GABRA4: variants seen among roughly 807,000 people sequenced by gnomAD.
GABRA4 encodes gamma-aminobutyric acid receptor subunit alpha-4.
Under a neutral mutation model 49.7 loss-of-function variants are expected in GABRA4, and 12 were observed. The ratio of observed to expected loss-of-function variants is 0.24; its 90% CI spans 0.15 to 0.39. The LOEUF (loss-of-function observed/expected upper bound fraction) is 0.39. Ranked by LOEUF, GABRA4 falls within the 10% of genes least tolerant of loss-of-function variation. GABRA4 has a pLI of 1.00. For synonymous variants in GABRA4, 288 were observed against 240.2 expected (o/e 1.20, Z -1.84); for missense variants, 506 against 686.0 (o/e 0.74, Z 2.93).
At chr4:46,955,676 G>A (rs755491668) in intron 8 of GABRA4, among the ~76,000 whole-genome samples, 42 of 151,954 alleles carry the variant, frequency 2.8e-4, no homozygotes, top group Non-Finnish European at 4.9e-4. Context: ...ACAGTTGATA[G>A]GTATTTCATA....
chr4:46,977,957 A>G (rs986003241), intron 3 of GABRA4, among the ~76,000 whole-genome samples: 2 of 152,104 alleles, frequency 1.3e-5, no homozygotes, highest in South Asian at 4.1e-4. Flanking sequence ...TTTAGACTAG[A>G]TAGCAAAAAT....
intron 8 of GABRA4, among the ~76,000 whole-genome samples, chr4:46,930,785 A>G (rs1721400762): frequency 6.6e-6 from 1 of 151,970 alleles, no homozygotes; most frequent in South Asian, 2.1e-4. Context: ...AAGTAACAGG[A>G]ACTAAGTCTA....
chr4:46,991,547 C>T (rs1723743127), intron 2 of GABRA4, among the ~76,000 whole-genome samples: 1 of 152,202 alleles, frequency 6.6e-6, no homozygotes, highest in Non-Finnish European at 1.5e-5. Flanking sequence ...CCCAACATGT[C>T]ATCTCCTACA....
At chr4:46,978,314 A>G (rs1723216591) in intron 3 of GABRA4, among the ~76,000 whole-genome samples, 1 of 152,088 alleles carries the variant, frequency 6.6e-6, no homozygotes. Context: ...AAATATAATG[A>G]AAACTATAAA....
At chr4:46,971,265 A>C (rs1476460501) in intron 6 of GABRA4, 30 bp from the exon 7 acceptor site, 1 of 1,604,660 alleles carries the variant, frequency 6.2e-7, no homozygotes. Flanking sequence ...AAAATGTGTT[A>C]TCGGTTCTGC....
chr4:46,934,392 C>T lies in GABRA4; in HGVS notation c.1135-5637G>A, dbSNP rs1253016061. ...AGAAATATCAACAGCATTTTTAGAA[C>T]GTGCTACACGTAGAAATTTTTAACA... On this transcript the variant is annotated intron_variant, in intron 8 of 8. Coordinates refer to ENST00000264318, the MANE Select transcript of GABRA4 (RefSeq NM_000809.4). 3.3e-5 allele frequency among the ~76,000 whole-genome samples: 5 copies of T among 152,072 alleles called. 1 individual carries two copies. Among genetic ancestry groups the T allele is most frequent in the Non-Finnish European group, 7.4e-5 (5 of 68,002 alleles).
chr4:46,955,085 T>C (rs1235011628), intron 8 of GABRA4, among the ~76,000 whole-genome samples: 3 of 152,162 alleles, frequency 2.0e-5, no homozygotes, highest in Non-Finnish European at 4.4e-5. Context: ...CTCTAAATTC[T>C]ATGCTAAATA....
rs1721255206 is a variant in GABRA4 at position 46,927,039 on chromosome 4, T to C, written c.*1186A>G. 6.6e-6 allele frequency: 1 copy of C among 151,946 alleles called. No individual in the cohort carries two copies. The highest frequency in any genetic ancestry group is 6.6e-5 in the Admixed American group (1 of 15,230). 9.4% of individuals were successfully genotyped at this position (151,946 alleles called of 1,614,324 possible). On this transcript the variant is annotated 3_prime_UTR_variant, in exon 9 of 9. Coordinates refer to ENST00000264318, the MANE Select transcript of GABRA4 (RefSeq NM_000809.4). ...TTTCACTAGCTAATATCTAGATCTA[T>C]CTTGGGGAAAGCACCTGAAAAAGCC... is the stretch of plus-strand genomic sequence containing the variant.
chr4:46,958,517 C>T (rs1722443777), intron 8 of GABRA4, among the ~76,000 whole-genome samples: 1 of 151,708 alleles, frequency 6.6e-6, no homozygotes, highest in Non-Finnish European at 1.5e-5. Flanking sequence ...CACCTGCATC[C>T]ATGAGAGAGT....
chr4:46,970,636 C>A (rs942615270), intron 7 of GABRA4, among the ~76,000 whole-genome samples: 1 of 151,476 alleles, frequency 6.6e-6, no homozygotes, highest in Non-Finnish European at 1.5e-5. Flanking sequence ...TGCATTTAAA[C>A]CGTTTGCATT....
At chr4:46,986,625 T>A (rs2109405752) in intron 2 of GABRA4, among the ~76,000 whole-genome samples, 1 of 152,138 alleles carries the variant, frequency 6.6e-6, no homozygotes, top group African/African-American at 2.4e-5. Flanking sequence ...TCCCCTGTAA[T>A]CTTTTTAGAT....
chr4:46,974,940 T>C (rs143040652), intron 5 of GABRA4, among the ~76,000 whole-genome samples: 71 of 152,102 alleles, frequency 4.7e-4, no homozygotes, highest in Non-Finnish European at 7.8e-4. Context: ...CAACTGGCTA[T>C]GTTGTTTGTA....
chr4:46,937,380 T>C (rs1326304204), intron 8 of GABRA4, among the ~76,000 whole-genome samples: 2 of 152,182 alleles, frequency 1.3e-5, no homozygotes, highest in Admixed American at 1.3e-4. Context: ...AAAAGAATAA[T>C]CTAACGTCAA....
rs752524741 is a variant in GABRA4 at position 46,928,488 on chromosome 4, C to T, written c.1402G>A (p.Ala468Thr). Residue 468 changes from alanine to threonine, a missense_variant, in exon 9 of 9, where the codon GCT (alanine) becomes ACT (threonine). Around this residue, in one of 5 missense-constraint regions of GABRA4, gnomAD observed 243 missense variants for 210.8 expected, o/e 1.15. Transcript: ENST00000264318. ...SIRTGYMPRK[A>T]SVGSASTRHV... ...CGAGTAGAAGCAGATCCAACTGAAG[C>T]CTTTCGAGGCATATATCCAGTTCGG... is the stretch of plus-strand genomic sequence containing the variant. 2.5e-6 allele frequency: 4 copies of T among 1,613,590 alleles called. No homozygotes were observed. Among genetic ancestry groups the T allele is most frequent in the Non-Finnish European group, 3.4e-6 (4 of 1,179,674 alleles).
chr4:46,930,822 A>G (rs1275391199), intron 8 of GABRA4, among the ~76,000 whole-genome samples: 1 of 151,646 alleles, frequency 6.6e-6, no homozygotes, highest in East Asian at 1.9e-4. Flanking sequence ...GACCCCCAAA[A>G]CTTAAAACAA....
intron 8 of GABRA4, among the ~76,000 whole-genome samples, chr4:46,943,163 C>T (rs916863219): frequency 4.6e-5 from 7 of 151,986 alleles, no homozygotes; most frequent in Non-Finnish European, 7.4e-5. Flanking sequence ...AATAGAGGTA[C>T]GAATTTATTG....
chr4:46,979,760 G>A (rs531136183), intron 2 of GABRA4, among the ~76,000 whole-genome samples: 4 of 151,840 alleles, frequency 2.6e-5, no homozygotes, highest in Non-Finnish European at 4.4e-5. Context: ...TGAAATTGCT[G>A]AAATAAGATG....
At chr4:46,978,960 T>C (rs1723252137) in intron 3 of GABRA4, 71 bp downstream of exon 3, 1 of 974,930 alleles carries the variant, frequency 1.0e-6, no homozygotes, top group African/African-American at 1.6e-5. Context: ...ACAAAATAAA[T>C]ATTAATTGCC....
At position 46,928,336 on chromosome 4, in the gene GABRA4, T is replaced by G. The variant is rs367959385; in HGVS notation, c.1554A>C (p.Ile518=). The G allele has an allele frequency of 4.3e-6, 7 of 1,613,504 alleles. No homozygotes were observed. Among genetic ancestry groups the G allele is most frequent in the Middle Eastern group, 1.6e-4 (1 of 6,074 alleles). Residue 518 remains isoleucine (I), a synonymous_variant, in exon 9 of 9, where the codon ATA becomes ATC. Coordinates refer to ENST00000264318, the MANE Select transcript of GABRA4 (RefSeq NM_000809.4). ...GAAAGAGAATACGGGCATATTTGTC[T>G]ATTTTACTTGTGCCAGATCCAGAAG... ...PPPSGSGTSK[I]DKYARILFPV... is the part of the protein sequence containing the mutation.
Sources: allele counts gnomAD v4.1 joint callset (sites outside exome capture counted in the v4.1 genomes callset), GRCh38; gene constraint gnomAD v4.1.1; regional missense constraint gnomAD v4.1.1; transcripts MANE v1.5; gene names NCBI Gene and HGNC (gene_info 2026-07-23, HGNC 2026-07-21).